The following WNT3A variants were observed in gnomAD, a reference collection of about 807,000 sequenced individuals.
The protein encoded by WNT3A is Wnt family member 3A.
A neutral mutation model predicts 37.0 loss-of-function variants in WNT3A; 17 were observed. That is an observed-to-expected ratio of 0.46 (90% CI 0.31 to 0.69). The LOEUF (loss-of-function observed/expected upper bound fraction) is 0.69, where lower values mean the gene tolerates loss of function less well. Ranked by LOEUF, WNT3A falls within the 30% of genes least tolerant of loss-of-function variation. The probability of loss-of-function intolerance (pLI) is 0.05; values close to 1 mark genes in which losing one functional copy is unlikely to be tolerated. For synonymous variants in WNT3A, 187 were observed against 211.0 expected, an observed-to-expected ratio of 0.89 and a Z score of 0.99; for missense variants, 411 against 510.2, an observed-to-expected ratio of 0.81 and a Z score of 1.87.
At position 228,010,680 on chromosome 1, in the gene WNT3A, T is replaced by C. The variant is rs2030343825; in HGVS notation, c.71+3481T>C. ...GCACAGAGGCCTGGCTGCTTGCAGA[T>C]GGCCACCCCAGTTGTCCCAGCGAAG... is the stretch of plus-strand genomic sequence containing the variant. On this transcript the variant is annotated intron_variant, in intron 1 of 3. Transcript: ENST00000284523. Among the ~76,000 whole-genome samples the C allele has an allele frequency of 4.6e-5, 7 of 152,372 alleles. 1 individual carries two copies. The South Asian group carries it at 1.4e-3, about 32-fold the overall frequency.
intron 1 of WNT3A, among the ~76,000 whole-genome samples, chr1:228,018,174 C>T (rs2030587008): frequency 1.3e-5 from 2 of 152,172 alleles, no homozygotes. Context: ...TCTCCATTTG[C>T]AGAGCCCCTC....
intron 3 of WNT3A, among the ~76,000 whole-genome samples, chr1:228,058,050 C>T (rs1391697292): frequency 6.6e-6 from 1 of 152,206 alleles, no homozygotes; most frequent in East Asian, 1.9e-4. Flanking sequence ...AGCCACCCGC[C>T]TTGGCCTCCC....
At chr1:228,012,044 T>C (rs1009337678) in intron 1 of WNT3A, among the ~76,000 whole-genome samples, 7 of 152,374 alleles carry the variant, frequency 4.6e-5, no homozygotes, top group African/African-American at 9.6e-5. Context: ...ACGGGGCTTG[T>C]TCTAACGATG....
rs2030798460 is a variant in WNT3A at position 228,024,124 on chromosome 1, A to G, written c.313+1216A>G. On this transcript the variant is annotated intron_variant, in intron 2 of 3. Coordinates refer to ENST00000284523, the MANE Select transcript of WNT3A (RefSeq NM_033131.4). ...TTTTCTTGGACATGCATGTGTTTGA[A>G]CGCCGTTTTCACACCTTTTGGTTTC... 2.6e-5 allele frequency among the ~76,000 whole-genome samples: 4 copies of G among 152,148 alleles called. No homozygotes were observed. In the South Asian group the frequency reaches 8.3e-4, roughly 32 times the overall value.
chr1:228,025,993 A>G (rs1404352151), intron 2 of WNT3A, among the ~76,000 whole-genome samples: 2 of 151,038 alleles, frequency 1.3e-5, no homozygotes, highest in Non-Finnish European at 2.9e-5. Context: ...TTTTGGGCTC[A>G]AGCAATCCTC....
rs1217224419 is a variant in WNT3A, at chr1:228,007,140, C to T, written c.12C>T (p.Leu4=). 26 of 1,592,858 alleles carry T rather than the reference C, an allele frequency of 1.6e-5. No homozygotes were observed. The highest frequency in any genetic ancestry group is 3.4e-5 in the Admixed American group (2 of 58,444). Residue 4 remains leucine, a synonymous_variant, in exon 1 of 4, where the codon CTC becomes CTT. Coordinates refer to ENST00000284523, the MANE Select transcript of WNT3A (RefSeq NM_033131.4). This position sits in a 1 kb window ranked among gnomAD's most constrained non-coding sequence, Gnocchi z 6.0. ...CCTCTCGCGCGGCGATGGCCCCACT[C>T]GGATACTTCTTACTCCTCTGCAGCC... MAP[L]GYFLLLCSLK... is the part of the protein sequence containing the mutation.
chr1:228,054,452 G>A (rs958238128), intron 3 of WNT3A, among the ~76,000 whole-genome samples: 1 of 151,416 alleles, frequency 6.6e-6, no homozygotes, highest in Admixed American at 6.6e-5. Flanking sequence ...GTGAAACCCG[G>A]TCTCTACTAA....
intron 2 of WNT3A, among the ~76,000 whole-genome samples, chr1:228,024,587 G>C (rs967579958): frequency 6.6e-6 from 1 of 152,050 alleles, no homozygotes; most frequent in Admixed American, 6.6e-5. Flanking sequence ...ATGTATGATT[G>C]GTGAATATTT....
chr1:228,052,307 C>A (rs967445505), intron 3 of WNT3A, among the ~76,000 whole-genome samples: 1 of 151,908 alleles, frequency 6.6e-6, no homozygotes, highest in Non-Finnish European at 1.5e-5. Context: ...CCACACCTGG[C>A]TAATTTTTGT....
Position 228,022,670 on chromosome 1 carries a change from G to T in WNT3A, c.75G>T (p.Ser25=). Reference sequence around the variant, plus strand: ...CACCGGATCTTGCCCTCTGCAGGTCGCTGGCTGTTGGGCCACAGTATTCCT... The same window carrying T: ...CACCGGATCTTGCCCTCTGCAGGTCTCTGGCTGTTGGGCCACAGTATTCCT... ...QALGSYPIWW[S]LAVGPQYSSL... The change falls in exon 2 of 4, where the codon TCG becomes TCT. Residue 25 remains serine, a synonymous_variant. Coordinates refer to ENST00000284523, the MANE Select transcript of WNT3A (RefSeq NM_033131.4). 3.1e-6 allele frequency: 5 copies of T among 1,611,000 alleles called. No homozygotes were observed. The South Asian group carries it at 3.3e-5, about 11-fold the overall frequency.
At chr1:228,044,977 G>A (rs1426033034) in intron 2 of WNT3A, among the ~76,000 whole-genome samples, 1 of 152,174 alleles carries the variant, frequency 6.6e-6, no homozygotes, top group Admixed American at 6.5e-5. Context: ...TTCTCAGCCT[G>A]GCAGGGAGCT....
At position 228,008,096 on chromosome 1, in the gene WNT3A, C is replaced by T. The variant is rs2030256567; in HGVS notation, c.71+897C>T. On this transcript the variant is annotated intron_variant, in intron 1 of 3. Coordinates refer to ENST00000284523, the MANE Select transcript of WNT3A (RefSeq NM_033131.4). The surrounding 1 kb of genome is among the most constrained non-coding windows in gnomAD (Gnocchi z 4.9). ...GGGGGAACGGTGGCCACACTTTCGC[C>T]AGGGCTTGTGATCCCTCAGAGCCCT... Among the ~76,000 whole-genome samples, 1 of 152,200 alleles carries T rather than the reference C, an allele frequency of 6.6e-6. No individual in the cohort carries two copies. The highest frequency in any genetic ancestry group is 1.5e-5 in the Non-Finnish European group (1 of 68,034).
At chr1:228,046,874 G>A (rs925653132) in intron 2 of WNT3A, among the ~76,000 whole-genome samples, 1 of 152,096 alleles carries the variant, frequency 6.6e-6, no homozygotes, top group African/African-American at 2.4e-5. Context: ...GGGTGTGCAT[G>A]TGTGTGTGGT....
At position 228,007,752 on chromosome 1, in the gene WNT3A, G is replaced by C. The variant is rs1049703843; in HGVS notation, c.71+553G>C. 2.0e-5 allele frequency among the ~76,000 whole-genome samples: 3 copies of C among 152,028 alleles called. No individual in the cohort carries two copies. Among genetic ancestry groups the C allele is most frequent in the Non-Finnish European group, 4.4e-5 (3 of 67,980 alleles). ...AGAGCCGGCGGCGGGGCGCACTGGG[G>C]GCCGGCCCTGGGCCCCGCGCGCCTC... On this transcript the variant is annotated intron_variant, in intron 1 of 3. Coordinates refer to ENST00000284523, the MANE Select transcript of WNT3A (RefSeq NM_033131.4). The surrounding 1 kb of genome is among the most constrained non-coding windows in gnomAD (Gnocchi z 6.0).
At chr1:228,020,912 G>T (rs2030685830) in intron 1 of WNT3A, among the ~76,000 whole-genome samples, 1 of 152,184 alleles carries the variant, frequency 6.6e-6, no homozygotes, top group Non-Finnish European at 1.5e-5. Context: ...TGGGAGTCCG[G>T]TCCGGAGGCC....
At chr1:228,023,126 G>GA (rs2030762018) in intron 2 of WNT3A, among the ~76,000 whole-genome samples, 1 of 152,250 alleles carries the variant, frequency 6.6e-6, no homozygotes, top group African/African-American at 2.4e-5. Flanking sequence ...GCTCCCTGGA[G>GA]AGGAAAGCGG....
Position 228,050,895 on chromosome 1 carries a change from C to T in WNT3A, c.553C>T (p.Arg185Cys), listed in dbSNP as rs778250375. 4.5e-6 allele frequency: 7 copies of T among 1,554,284 alleles called. No individual in the cohort carries two copies. Among genetic ancestry groups the T allele is most frequent in the Admixed American group, 2.0e-5 (1 of 50,858 alleles). ...NRPDARSAMN[R>C]HNNEAGRQAI... ...GCCAGATGCCCGCTCAGCCATGAAC[C>T]GCCACAACAACGAGGCTGGGCGCCA... is the stretch of plus-strand genomic sequence containing the variant. Residue 185 changes from arginine to cysteine, a missense_variant, in exon 3 of 4, where the codon CGC (arginine) becomes TGC (cysteine). By Grantham distance (180) the Arg-to-Cys change is radical. Coordinates refer to ENST00000284523, the MANE Select transcript of WNT3A (RefSeq NM_033131.4). This position sits in a 1 kb window ranked among gnomAD's most constrained non-coding sequence, Gnocchi z 5.0.
intron 2 of WNT3A, among the ~76,000 whole-genome samples, chr1:228,027,340 A>G (rs1346066037): frequency 6.6e-6 from 1 of 152,242 alleles, no homozygotes; most frequent in Non-Finnish European, 1.5e-5. Flanking sequence ...CAGCTCTTTA[A>G]GGAATCACCA....
At chr1:228,045,133 TG>T (rs1185314470) in intron 2 of WNT3A, among the ~76,000 whole-genome samples, 2 of 152,218 alleles carry the variant, frequency 1.3e-5, no homozygotes, top group Admixed American at 1.3e-4. Flanking sequence ...TGGGGCTGTT[TG>T]CCTGAGTTTT....
Sources: gnomAD v4.1 joint callset for allele counts (sites outside exome capture counted in the v4.1 genomes callset) on GRCh38, gnomAD v4.1.1 for gene constraint, Gnocchi (gnomAD v3.1) non-coding constraint, MANE v1.5 for transcripts, NCBI Gene and HGNC (gene_info 2026-07-23, HGNC 2026-07-21) for gene names.